The following NCALD variants were observed in gnomAD, a reference collection of about 807,000 sequenced individuals.
NCALD encodes neurocalcin-delta.
NCALD carries 10 observed loss-of-function variants against 18.6 expected under a neutral mutation model. That is an observed-to-expected ratio of 0.54 (90% CI 0.33 to 0.91). The LOEUF is 0.91. NCALD is among the 40% of genes least tolerant of loss of function. NCALD has a pLI of 0.03. For synonymous variants in NCALD, 88 were observed against 87.4 expected, an observed-to-expected ratio of 1.01 and a Z score of -0.04; for missense variants, 184 against 247.6, an observed-to-expected ratio of 0.74 and a Z score of 1.72.
chr8:102,005,590 C>A (rs1056654158), intron 2 of NCALD, among the ~76,000 whole-genome samples: 1 of 152,030 alleles, frequency 6.6e-6, no homozygotes, highest in Non-Finnish European at 1.5e-5. Flanking sequence ...ATGTTTATTG[C>A]GGCACTATTG....
At chr8:101,930,517 C>T (rs1325792647) in intron 2 of NCALD, among the ~76,000 whole-genome samples, 5 of 151,918 alleles carry the variant, frequency 3.3e-5, no homozygotes, top group African/African-American at 7.2e-5. Context: ...GTGCCTCCGG[C>T]GCAGCACTTT....
In NCALD at chr8:102,023,837, C is replaced by T. The variant is rs561733692; in HGVS notation, c.-209-3548G>A. Among the ~76,000 whole-genome samples, 5 of 146,284 alleles carry T rather than the reference C, an allele frequency of 3.4e-5. No individual in the cohort carries two copies. The East Asian group carries it at 8.3e-4, about 24-fold the overall frequency. On this transcript the variant is annotated intron_variant, in intron 1 of 6. Coordinates refer to the NCALD transcript ENST00000311028. ...ATCTTGTCATCGTGGTGCCTTGACC[C>T]GTCCTAGCTGTGTTTCCGTCTCAAT...
chr8:101,697,617 C>T (rs892143694), intron 2 of NCALD, among the ~76,000 whole-genome samples: 20 of 152,074 alleles, frequency 1.3e-4, no homozygotes, highest in African/African-American at 4.6e-4. Context: ...TGGCTTCATC[C>T]CTGGGATGAA....
At chr8:101,877,681 C>T (rs1816284929) in intron 4 of NCALD, among the ~76,000 whole-genome samples, 1 of 152,190 alleles carries the variant, frequency 6.6e-6, no homozygotes, top group Admixed American at 6.5e-5. Flanking sequence ...TAGGAGAAAT[C>T]CTGACTATAC....
At chr8:101,748,094 C>T (rs942640968) in intron 1 of NCALD, among the ~76,000 whole-genome samples, 3 of 152,276 alleles carry the variant, frequency 2.0e-5, no homozygotes, top group Middle Eastern at 3.4e-3. Flanking sequence ...TGGACTCAGA[C>T]CTTCCTCCTC....
intron 4 of NCALD, among the ~76,000 whole-genome samples, chr8:101,865,412 T>C (rs1438446597): frequency 6.6e-6 from 1 of 152,134 alleles, no homozygotes; most frequent in African/African-American, 2.4e-5. Flanking sequence ...GAAGGAGTGT[T>C]TTCTCTAATC....
chr8:101,928,870 T>C (rs565670141), intron 2 of NCALD, among the ~76,000 whole-genome samples: 1 of 152,218 alleles, frequency 6.6e-6, no homozygotes, highest in South Asian at 2.1e-4. Context: ...CAGTATTAGA[T>C]ACAAAAACAC....
At chr8:102,110,925 T>C (rs1306106554) in intron 1 of NCALD, among the ~76,000 whole-genome samples, 3 of 152,100 alleles carry the variant, frequency 2.0e-5, no homozygotes, top group African/African-American at 7.2e-5. Flanking sequence ...TCTACAAAGA[T>C]TGCAGAATAA....
intron 1 of NCALD, among the ~76,000 whole-genome samples, chr8:101,773,421 G>C (rs994870183): frequency 6.6e-6 from 1 of 152,172 alleles, no homozygotes; most frequent in Non-Finnish European, 1.5e-5. Context: ...ACAAAATGCT[G>C]TAAGCCAGGC....
At position 101,875,650 on chromosome 8, in the gene NCALD, A is replaced by T. The variant is rs11991981; in HGVS notation, c.-20+11491T>A. Among the ~76,000 whole-genome samples the T allele has an allele frequency of 2.2e-3, 342 of 152,290 alleles. 5 individuals are homozygous for T. The highest frequency in any genetic ancestry group is 7.7e-3 in the African/African-American group (318 of 41,550). On this transcript the variant is annotated intron_variant, in intron 4 of 6. Transcript: ENST00000311028. ...GTCCAATTAGCAAGTGCACAGAAGG[A>T]ACTGGATCCATAATTAATTAATGAT...
chr8:101,755,414 C>T (rs946276180), intron 1 of NCALD, among the ~76,000 whole-genome samples: 5 of 152,144 alleles, frequency 3.3e-5, no homozygotes, highest in Non-Finnish European at 4.4e-5. Flanking sequence ...CTGTCAACCA[C>T]GCCCAGCACA....
At chr8:101,898,038 C>T (rs1210790384) in intron 3 of NCALD, among the ~76,000 whole-genome samples, 1 of 152,222 alleles carries the variant, frequency 6.6e-6, no homozygotes, top group African/African-American at 2.4e-5. Context: ...TCCTCGATGC[C>T]ACCATGTGAA....
chr8:101,892,433 G>A (rs1290772483), intron 3 of NCALD, among the ~76,000 whole-genome samples: 1 of 149,248 alleles, frequency 6.7e-6, no homozygotes, highest in Non-Finnish European at 1.5e-5. Context: ...CAGAAAAACT[G>A]GAAACTCTAA....
chr8:101,743,110 T>C (rs563875599), intron 1 of NCALD, among the ~76,000 whole-genome samples: 6 of 152,312 alleles, frequency 3.9e-5, no homozygotes, highest in East Asian at 1.9e-4. Flanking sequence ...AATAGCAGGA[T>C]TGAAAAATTA....
chr8:101,815,705 AC>A (rs1448212178), intron 4 of NCALD, among the ~76,000 whole-genome samples: 1 of 152,164 alleles, frequency 6.6e-6, no homozygotes, highest in Non-Finnish European at 1.5e-5. Context: ...GGAATGCAAA[AC>A]AGTACAGCCA....
At chr8:102,034,297 G>A (rs1423642580) in intron 1 of NCALD, among the ~76,000 whole-genome samples, 2 of 152,188 alleles carry the variant, frequency 1.3e-5, no homozygotes, top group Admixed American at 1.3e-4. Flanking sequence ...ACATATAAAT[G>A]TAAATGCACC....
At chr8:101,938,628 A>G (rs1168055187) in intron 2 of NCALD, among the ~76,000 whole-genome samples, 3 of 150,040 alleles carry the variant, frequency 2.0e-5, no homozygotes, top group Non-Finnish European at 4.4e-5. Flanking sequence ...TTATTTCTTA[A>G]TAATGCAACA....
chr8:101,766,076 T>C (rs1399083683), intron 1 of NCALD, among the ~76,000 whole-genome samples: 1 of 152,182 alleles, frequency 6.6e-6, no homozygotes, highest in Non-Finnish European at 1.5e-5. Flanking sequence ...CACCAACATC[T>C]CCTTATTTTC....
chr8:101,772,304 C>A (rs943103005), intron 1 of NCALD, among the ~76,000 whole-genome samples: 2 of 152,190 alleles, frequency 1.3e-5, no homozygotes, highest in African/African-American at 2.4e-5. Flanking sequence ...TATCCTGGAA[C>A]AACCCTAGAA....
Sources: gnomAD v4.1 joint callset for allele counts (sites outside exome capture counted in the v4.1 genomes callset) on GRCh38, gnomAD v4.1.1 for gene constraint, MANE v1.5 for transcripts, NCBI Gene and HGNC (gene_info 2026-07-23, HGNC 2026-07-21) for gene names.